Variants in MAP3K3 observed in about 807,000 individuals in gnomAD.
MAP3K3 encodes mitogen-activated protein kinase kinase kinase 3.
MAP3K3 carries 12 observed loss-of-function variants against 80.9 expected under a neutral mutation model. The observed-to-expected ratio is 0.15, with a 90% CI of 0.10 to 0.24. MAP3K3 has a LOEUF of 0.24. Among genes scored for constraint, MAP3K3 ranks in the 10% least tolerant of loss-of-function variants. The pLI, the probability that MAP3K3 is intolerant of heterozygous loss-of-function variation, is 1.00. For missense variants in MAP3K3, 596 were observed against 834.7 expected, an observed-to-expected ratio of 0.71 and a Z score of 3.52; for synonymous variants, 272 against 307.1, an observed-to-expected ratio of 0.89 and a Z score of 1.19.
chr17:63,660,600 T>C (rs2034870492), intron 5 of MAP3K3, among the ~76,000 whole-genome samples: 1 of 151,724 alleles, frequency 6.6e-6, no homozygotes, highest in South Asian at 2.1e-4. Context: ...TTTTCTTTTT[T>C]TTTTTATTTG....
At position 63,685,601 on chromosome 17, in the gene MAP3K3, G is replaced by A. The variant is rs1167438016; in HGVS notation, c.710+11G>A. 1 of 1,613,768 alleles carries A rather than the reference G, an allele frequency of 6.2e-7. No homozygotes were observed. Among genetic ancestry groups the A allele is most frequent in the Admixed American group, 1.7e-5 (1 of 60,022 alleles). ...CAGGTCAGCAGACAGGTATGGGACT[G>A]TGGGTGGTTTGGAGGGTAATGCATA... On this transcript the variant is annotated intron_variant, in intron 8 of 15. Transcript: ENST00000361733.
intron 7 of MAP3K3, chr17:63,682,414 G>C (rs2035358493): frequency 6.6e-6 from 1 of 152,202 alleles, no homozygotes; most frequent in Non-Finnish European, 1.5e-5. Context: ...CACAAACCTA[G>C]AGGCTTAAAA....
In MAP3K3 at chr17:63,689,844, T is replaced by C; in HGVS notation, c.1063+109T>C. On this transcript the variant is annotated intron_variant, in intron 11 of 15. Transcript: ENST00000361733. The surrounding 1 kb of genome is among the most constrained non-coding windows in gnomAD (Gnocchi z 4.3). ...CCTTAGGCTCAGCAGGTGGTGGCTT[T>C]GGCCCAAATGCACCACATGGGATAA... The C allele has an allele frequency of 9.5e-7, 1 of 1,048,340 alleles. No individual in the cohort carries two copies. 64.9% of individuals were successfully genotyped at this position (1,048,340 alleles called of 1,614,324 possible).
intron 1 of MAP3K3, among the ~76,000 whole-genome samples, chr17:63,630,948 T>C (rs1411057620): frequency 6.6e-6 from 1 of 152,082 alleles, no homozygotes; most frequent in Non-Finnish European, 1.5e-5. Context: ...TCAGAGGGCA[T>C]ATAGGGCACC....
At chr17:63,669,395 T>A (rs1004746937) in intron 6 of MAP3K3, among the ~76,000 whole-genome samples, 2 of 152,124 alleles carry the variant, frequency 1.3e-5, no homozygotes, top group East Asian at 3.8e-4. Context: ...GCACTCAGAC[T>A]CTTTTGGTAG....
rs563085561 is a variant in MAP3K3 at position 63,692,129 on chromosome 17, A to G, written c.1475-113A>G. On this transcript the variant is annotated intron_variant, in intron 14 of 15. Transcript: ENST00000361733. This position sits in a 1 kb window ranked among gnomAD's most constrained non-coding sequence, Gnocchi z 4.5. ...CCTTTGCCCTTTGCAGTTCATGTCT[A>G]ATTCAGTGGTAGCCCTGCCCTCTCC... 1.0e-4 allele frequency: 126 copies of G among 1,243,890 alleles called. No homozygotes were observed. The African/African-American group carries it at 1.8e-3, about 17-fold the overall frequency. The allele number at this position is 1,243,890 out of a possible 1,614,324, so 77.1% of individuals were successfully genotyped here.
At position 63,692,265 on chromosome 17, in the gene MAP3K3, G is replaced by A. The variant is rs2035607988; in HGVS notation, c.1498G>A (p.Ala500Thr). ...AGGAGCCAACATCCTCCGAGACTCT[G>A]CTGGGAATGTAAAGCTGGGGGACTT... ...IKGANILRDS[A>T]GNVKLGDFGA... Residue 500 changes from alanine (A) to threonine (T), a missense_variant, in exon 15 of 16, where the codon GCT becomes ACT. Ala to Thr is a moderately conservative substitution (Grantham distance 58). Coordinates refer to ENST00000361733, the MANE Select transcript of MAP3K3 (RefSeq NM_002401.5). This position sits in a 1 kb window ranked among gnomAD's most constrained non-coding sequence, Gnocchi z 4.5. 1 of 1,613,902 alleles carries A rather than the reference G, an allele frequency of 6.2e-7. No individual in the cohort carries two copies. The highest frequency in any genetic ancestry group is 1.3e-5 in the African/African-American group (1 of 74,908).
At chr17:63,649,715 A>G (rs1053764576) in intron 3 of MAP3K3, among the ~76,000 whole-genome samples, 2 of 152,230 alleles carry the variant, frequency 1.3e-5, no homozygotes, top group Admixed American at 6.5e-5. Flanking sequence ...TTCAGGAACC[A>G]ATTTTCAGTT....
At chr17:63,662,154 T>A (rs1490612415) in intron 5 of MAP3K3, among the ~76,000 whole-genome samples, 1 of 139,426 alleles carries the variant, frequency 7.2e-6, no homozygotes, top group East Asian at 2.2e-4. Flanking sequence ...ACCTGTAATC[T>A]CAGCACTTTG....
intron 6 of MAP3K3, among the ~76,000 whole-genome samples, chr17:63,670,548 A>G (rs1382104973): frequency 6.9e-6 from 1 of 143,940 alleles, no homozygotes; most frequent in Non-Finnish European, 1.5e-5. Context: ...GCACCACTGT[A>G]CTCCAGCCTG....
chr17:63,648,939 A>T (rs1345688532), intron 3 of MAP3K3, among the ~76,000 whole-genome samples: 1 of 152,152 alleles, frequency 6.6e-6, no homozygotes, highest in African/African-American at 2.4e-5. Context: ...ACAGGAAGGA[A>T]TTACCTTCTT....
intron 6 of MAP3K3, among the ~76,000 whole-genome samples, chr17:63,668,991 T>G (rs187246061): frequency 2.6e-5 from 4 of 152,238 alleles, no homozygotes; most frequent in Non-Finnish European, 5.9e-5. Context: ...TAGAGAGAGA[T>G]ATCTCAGGCA....
intron 3 of MAP3K3, among the ~76,000 whole-genome samples, chr17:63,648,605 A>AT (rs2034586333): frequency 6.6e-6 from 1 of 151,594 alleles, no homozygotes; most frequent in African/African-American, 2.4e-5. Flanking sequence ...GCGGGCAGAT[A>AT]AAAAGGTCAG....
chr17:63,673,462 G>T (rs953092609), intron 6 of MAP3K3, among the ~76,000 whole-genome samples: 1 of 151,996 alleles, frequency 6.6e-6, no homozygotes, highest in African/African-American at 2.4e-5. Flanking sequence ...CTCTCTGTGG[G>T]GAGATCACTA....
intron 1 of MAP3K3, among the ~76,000 whole-genome samples, chr17:63,625,782 G>T (rs1361848701): frequency 1.3e-5 from 2 of 152,158 alleles, no homozygotes; most frequent in East Asian, 3.9e-4. Flanking sequence ...TTTTAAAACT[G>T]AATTTTAGGT....
intron 2 of MAP3K3, among the ~76,000 whole-genome samples, chr17:63,645,101 A>G (rs2034516117): frequency 6.6e-6 from 1 of 152,124 alleles, no homozygotes; most frequent in Non-Finnish European, 1.5e-5. Context: ...TCTGTTCTTC[A>G]ATTCATTCAA....
intron 6 of MAP3K3, among the ~76,000 whole-genome samples, chr17:63,675,264 A>G (rs2035193930): frequency 7.2e-6 from 1 of 138,330 alleles, no homozygotes. Flanking sequence ...CTATTGAGAA[A>G]GAAAAAAAGT....
Position 63,626,777 on chromosome 17 carries a change from C to T in MAP3K3, c.4+4014C>T, listed in dbSNP as rs75264656. 5.4e-3 allele frequency among the ~76,000 whole-genome samples: 828 copies of T among 152,340 alleles called. 11 individuals are homozygous for T. The highest frequency in any genetic ancestry group is 7.6e-3 in the Non-Finnish European group (519 of 68,034). On this transcript the variant is annotated intron_variant, in intron 1 of 15. Transcript: ENST00000361733. ...ACTCAGGGACACTGAAGCACAGACT[C>T]TCCTGAGTGGGCAGTGCGATCAGAC...
Position 63,689,138 on chromosome 17 carries a change from T to C in MAP3K3, c.871+257T>C. On this transcript the variant is annotated intron_variant, in intron 10 of 15. Transcript: ENST00000361733. The surrounding 1 kb of genome is among the most constrained non-coding windows in gnomAD (Gnocchi z 4.3). The stretch of plus-strand genomic sequence containing the variant: ...TGCTCCAGGGGCACCATCTCTCCCA[T>C]GTCCTCTTCTGCCCCACAGCAGCAG... 5.2e-6 allele frequency: 3 copies of C among 572,410 alleles called. No individual in the cohort carries two copies. Among genetic ancestry groups the C allele is most frequent in the Non-Finnish European group, 9.3e-6 (3 of 321,866 alleles). 35.5% of individuals were successfully genotyped at this position (572,410 alleles called of 1,614,324 possible). A position where few individuals can be genotyped will look rare whatever the true frequency, so the allele number is the denominator to read the frequency against.
Sources: gnomAD v4.1 joint callset for allele counts (sites outside exome capture counted in the v4.1 genomes callset) on GRCh38, gnomAD v4.1.1 for gene constraint, Gnocchi (gnomAD v3.1) non-coding constraint, MANE v1.5 for transcripts, NCBI Gene and HGNC (gene_info 2026-07-23, HGNC 2026-07-21) for gene names.